Variants in FAAH observed in about 807,000 individuals in gnomAD.
FAAH encodes fatty acid amide hydrolase.
Under a neutral mutation model 69.7 loss-of-function variants are expected in FAAH, and 63 were observed. The ratio of observed to expected loss-of-function variants is 0.90; its 90% CI spans 0.74 to 1.12. The LOEUF (loss-of-function observed/expected upper bound fraction) is 1.12. Among genes scored for constraint, FAAH ranks in the 50% most tolerant of loss-of-function variants. FAAH has a pLI of 0.00. For synonymous variants in FAAH, 305 were observed against 324.2 expected (o/e 0.94, Z 0.64); for missense variants, 680 against 755.0 (o/e 0.90, Z 1.16).
At chr1:46,408,363 C>T in intron 7 of FAAH, 96 bp from the exon 8 acceptor site, 1 of 1,552,812 alleles carries the variant, frequency 6.4e-7, no homozygotes. Flanking sequence ...AGCCTCGCAG[C>T]TGTGTCTGGG....
Position 46,411,220 on chromosome 1 carries a change from C to G in FAAH, c.1316+366C>G, listed in dbSNP as rs529110945. ...TGAGCTGACCTGAGCTGCGCCAGGC[C>G]CTACTTGCCCCTTAGTGGCTGGGGC... is the stretch of plus-strand genomic sequence containing the variant. On this transcript the variant is annotated intron_variant, in intron 11 of 14. Coordinates refer to ENST00000243167, the MANE Select transcript of FAAH (RefSeq NM_001441.3). The surrounding 1 kb of genome is among the most constrained non-coding windows in gnomAD (Gnocchi z 4.8). 6.6e-6 allele frequency among the ~76,000 whole-genome samples: 1 copy of G among 152,318 alleles called. No individual in the cohort carries two copies. Among genetic ancestry groups the G allele is most frequent in the African/African-American group, 2.4e-5 (1 of 41,580 alleles).
At position 46,397,790 on chromosome 1, in the gene FAAH, C is replaced by T. The variant is rs577703075; in HGVS notation, c.195+3247C>T. ...TTGGCCATGGCTGGCCTCGACCTCC[C>T]GACCTCAGGTGATCCGCCCGCCTCG... is the stretch of plus-strand genomic sequence containing the variant. On this transcript the variant is annotated intron_variant, in intron 1 of 14. Transcript: ENST00000243167. Among the ~76,000 whole-genome samples the T allele has an allele frequency of 6.0e-5, 9 of 151,244 alleles. No homozygotes were observed. In the East Asian group the frequency reaches 9.8e-4, roughly 17 times the overall value.
In FAAH at chr1:46,402,139, C is replaced by G. The variant is rs555440829; in HGVS notation, c.244C>G (p.Leu82Val). 7 of 1,610,736 alleles carry G rather than the reference C, an allele frequency of 4.3e-6. No individual in the cohort carries two copies. The highest frequency in any genetic ancestry group is 5.9e-6 in the Non-Finnish European group (7 of 1,178,494). The change falls in exon 2 of 15, where the codon CTG becomes GTG. Residue 82 changes from leucine (L) to valine (V), a missense_variant. Transcript: ENST00000243167. ...EALLALPLPQLVQKLHSRELA... is the reference protein window; with the variant it reads ...EALLALPLPQVVQKLHSRELA... ...GCTGCTAGCCCTGCCCCTGCCTCAG[C>G]TGGTGCAGAAGTTACACAGTAGAGA... is the stretch of plus-strand genomic sequence containing the variant.
chr1:46,402,065 G>A, intron 1 of FAAH, 26 bp from the exon 2 acceptor site: 1 of 1,571,610 alleles, frequency 6.4e-7, no homozygotes, highest in Non-Finnish European at 8.7e-7. Context: ...GCGAGTAGGG[G>A]ACTGATCCGA....
chr1:46,396,524 GCTTT>G (rs1216759153), intron 1 of FAAH, among the ~76,000 whole-genome samples: 2 of 152,220 alleles, frequency 1.3e-5, no homozygotes, highest in African/African-American at 4.8e-5. Flanking sequence ...GAATACCCAG[GCTTT>G]CTTGGGCAGA....
chr1:46,413,627 G>C lies in FAAH; in HGVS notation c.*52G>C, dbSNP rs771254690. 1 of 1,613,060 alleles carries C rather than the reference G, an allele frequency of 6.2e-7. No individual in the cohort carries two copies. The highest frequency in any genetic ancestry group is 8.5e-7 in the Non-Finnish European group (1 of 1,179,504). On this transcript the variant is annotated 3_prime_UTR_variant, in exon 15 of 15. Transcript: ENST00000243167. ...CTCACACTCTCTGCAGCCCAGCCTA[G>C]TCAGGGCACAGCTGCCCTGCTGCCA...
At chr1:46,403,857 C>A (rs1041444490) in intron 2 of FAAH, among the ~76,000 whole-genome samples, 1 of 152,244 alleles carries the variant, frequency 6.6e-6, no homozygotes, top group Admixed American at 6.5e-5. Context: ...GAGCTTGTCT[C>A]ATTTGTCTTT....
At chr1:46,400,449 G>A (rs1664678347) in intron 1 of FAAH, among the ~76,000 whole-genome samples, 1 of 152,044 alleles carries the variant, frequency 6.6e-6, no homozygotes, top group African/African-American at 2.4e-5. Flanking sequence ...TCTGAGGCCC[G>A]GTGAGGGCCT....
rs1377157258 is a variant in FAAH at position 46,405,106 on chromosome 1, C to G, written c.402C>G (p.Leu134=). The change falls in exon 3 of 15, where the codon CTC becomes CTG. Residue 134 remains leucine (L), a synonymous_variant. Transcript: ENST00000243167. The surrounding 1 kb of genome is among the most constrained non-coding windows in gnomAD (Gnocchi z 4.1). ...QLSQAPRQGL[L]YGVPVSLKEC... Reference sequence around the variant, plus strand: ...CTCAGGCCCCAAGGCAGGGCCTGCTCTATGGCGTCCCTGTGAGCCTCAAGG... The same window carrying G: ...CTCAGGCCCCAAGGCAGGGCCTGCTGTATGGCGTCCCTGTGAGCCTCAAGG... 6.2e-7 allele frequency: 1 copy of G among 1,613,890 alleles called. No homozygotes were observed. Among genetic ancestry groups the G allele is most frequent in the South Asian group, 1.1e-5 (1 of 91,084 alleles).
chr1:46,411,760 C>A lies in FAAH; in HGVS notation c.1356+109C>A. ...CCACTGCCCCCATGGGGCTCCTAGA[C>A]TGGCCTGTCATCCCCCTTCCACTCC... On this transcript the variant is annotated intron_variant, in intron 12 of 14. Transcript: ENST00000243167. This position sits in a 1 kb window ranked among gnomAD's most constrained non-coding sequence, Gnocchi z 4.8. The A allele has an allele frequency of 7.9e-7, 1 of 1,261,366 alleles. No homozygotes were observed. The highest frequency in any genetic ancestry group is 1.1e-6 in the Non-Finnish European group (1 of 883,596). The allele number at this position is 1,261,366 out of a possible 1,614,324, so 78.1% of individuals were successfully genotyped here.
Position 46,412,388 on chromosome 1 carries a change from C to G in FAAH, c.1465+137C>G, listed in dbSNP as rs74675896. On this transcript the variant is annotated intron_variant, in intron 13 of 14. Transcript: ENST00000243167. ...ACAGTCTGGCTGACTGGAGACATGG[C>G]AGTCATGTGGGTTGCCCTGGCAGGG... The G allele has an allele frequency of 2.8e-3, 2,065 of 733,810 alleles. 19 individuals are homozygous for G. Among genetic ancestry groups the G allele is most frequent in the East Asian group, 0.022 (827 of 37,180 alleles). The allele number at this position is 733,810 out of a possible 1,614,324, so 45.5% of individuals were successfully genotyped here.
intron 8 of FAAH, 27 bp from the exon 9 acceptor site, chr1:46,409,074 A>C: frequency 6.3e-7 from 1 of 1,589,962 alleles, no homozygotes; most frequent in Non-Finnish European, 8.6e-7. Flanking sequence ...TTAGGTCAGG[A>C]GGCCTTACAC....
chr1:46,405,715 ACTGATATCGGAGG>A lies in FAAH; in HGVS notation c.708_720del (p.Asp237AlafsTer26), dbSNP rs752570266. On this transcript the variant is annotated frameshift_variant, in exon 5 of 15. Transcript: ENST00000243167. LOFTEE classifies it high-confidence loss of function. The surrounding 1 kb of genome is among the most constrained non-coding windows in gnomAD (Gnocchi z 4.1). The stretch of plus-strand genomic sequence containing the variant: ...TGGAGGCTCCCCCCTGGGCTTAGGC[ACTGATATCGGAGG>A]CAGCATCCGCTTCCCCTCCTCCTTC... The A allele has an allele frequency of 6.2e-7, 1 of 1,613,474 alleles. No homozygotes were observed. Among genetic ancestry groups the A allele is most frequent in the Non-Finnish European group, 8.5e-7 (1 of 1,180,012 alleles).
In FAAH at chr1:46,410,581, C is replaced by T; in HGVS notation, c.1275+84C>T. ...TCGCATGATCCCCCATGGCCTCCCT[C>T]AGCCTCTCTTGGTTTGGGCAGGCAT... On this transcript the variant is annotated intron_variant, in intron 10 of 14. Coordinates refer to ENST00000243167, the MANE Select transcript of FAAH (RefSeq NM_001441.3). The surrounding 1 kb of genome is among the most constrained non-coding windows in gnomAD (Gnocchi z 4.9). The T allele has an allele frequency of 2.2e-6, 3 of 1,340,460 alleles. No individual in the cohort carries two copies. The highest frequency in any genetic ancestry group is 3.4e-5 in the Admixed American group (2 of 58,078). The allele number at this position is 1,340,460 out of a possible 1,614,324, so 83.0% of individuals were successfully genotyped here.
At chr1:46,407,288 T>A (rs1314984811) in intron 7 of FAAH, among the ~76,000 whole-genome samples, 1 of 151,980 alleles carries the variant, frequency 6.6e-6, no homozygotes, top group African/African-American at 2.4e-5. Flanking sequence ...TGGTTTAAGG[T>A]GGATCTTTCA....
At position 46,411,106 on chromosome 1, in the gene FAAH, G is replaced by A. The variant is rs1460284000; in HGVS notation, c.1316+252G>A. 2.6e-4 allele frequency among the ~76,000 whole-genome samples: 40 copies of A among 152,202 alleles called. No homozygotes were observed. Among genetic ancestry groups the A allele is most frequent in the Admixed American group, 2.6e-3 (40 of 15,286 alleles). ...GAGTTGGAGGGGAGGAGGTTGACCTGGCTGGGGCATGAGTGGAAAGGACCA... is the reference window on the plus strand; with the variant it reads ...GAGTTGGAGGGGAGGAGGTTGACCTAGCTGGGGCATGAGTGGAAAGGACCA... On this transcript the variant is annotated intron_variant, in intron 11 of 14. Coordinates refer to ENST00000243167, the MANE Select transcript of FAAH (RefSeq NM_001441.3). The surrounding 1 kb of genome is among the most constrained non-coding windows in gnomAD (Gnocchi z 4.8).
In FAAH at chr1:46,410,756, G is replaced by A; in HGVS notation, c.1276-58G>A. On this transcript the variant is annotated intron_variant, in intron 10 of 14. Coordinates refer to ENST00000243167, the MANE Select transcript of FAAH (RefSeq NM_001441.3). This position sits in a 1 kb window ranked among gnomAD's most constrained non-coding sequence, Gnocchi z 4.9. ...GTCCCCAGTGGCTTGGCCTGAAGAAGGTTGACGTCTGCCGTGGCCCAGAGC... is the reference window on the plus strand; with the variant it reads ...GTCCCCAGTGGCTTGGCCTGAAGAAAGTTGACGTCTGCCGTGGCCCAGAGC... 2 of 1,611,156 alleles carry A rather than the reference G, an allele frequency of 1.2e-6. No homozygotes were observed. The highest frequency in any genetic ancestry group is 1.7e-6 in the Non-Finnish European group (2 of 1,177,274).
Position 46,410,782 on chromosome 1 carries a change from T to A in FAAH, c.1276-32T>A. The A allele has an allele frequency of 6.2e-7, 1 of 1,613,988 alleles. No homozygotes were observed. The highest frequency in any genetic ancestry group is 8.5e-7 in the Non-Finnish European group (1 of 1,179,912). ...GTTGACGTCTGCCGTGGCCCAGAGC[T>A]GAGTCACCGACCCTGCGTCTGTCCT... On this transcript the variant is annotated intron_variant, in intron 10 of 14. Transcript: ENST00000243167. This position sits in a 1 kb window ranked among gnomAD's most constrained non-coding sequence, Gnocchi z 4.9.
At chr1:46,397,103 C>T (rs927936170) in intron 1 of FAAH, among the ~76,000 whole-genome samples, 4 of 152,218 alleles carry the variant, frequency 2.6e-5, no homozygotes, top group African/African-American at 7.2e-5. Context: ...CCCTCTCTGG[C>T]TGGGCGCTGG....
Sources: allele counts gnomAD v4.1 joint callset (sites outside exome capture counted in the v4.1 genomes callset), GRCh38; gene constraint gnomAD v4.1.1; non-coding constraint Gnocchi (gnomAD v3.1); transcripts MANE v1.5; gene names NCBI Gene and HGNC (gene_info 2026-07-23, HGNC 2026-07-21).